MTHFS: variants seen among roughly 807,000 people sequenced by gnomAD.
MTHFS encodes the protein 5-formyltetrahydrofolate cyclo-ligase.
MTHFS carries 7 observed loss-of-function variants against 12.7 expected under a neutral mutation model. The ratio of observed to expected loss-of-function variants is 0.55; its 90% CI spans 0.31 to 1.03. MTHFS has a LOEUF of 1.03. Ranked by LOEUF, MTHFS falls within the 50% of genes least tolerant of loss-of-function variation. MTHFS has a pLI of 0.05. For synonymous variants in MTHFS, 100 were observed against 97.1 expected (o/e 1.03, Z -0.18); for missense variants, 252 against 258.1 (o/e 0.98, Z 0.16).
chr15:79,853,923 GT>G (rs1203243498), intron 2 of MTHFS, among the ~76,000 whole-genome samples: 1 of 152,210 alleles, frequency 6.6e-6, no homozygotes, highest in Non-Finnish European at 1.5e-5. Flanking sequence ...ACATTCAGCT[GT>G]GTGCTAGACA....
chr15:79,885,173 T>A (rs1169966281), intron 2 of MTHFS, among the ~76,000 whole-genome samples: 1 of 152,198 alleles, frequency 6.6e-6, no homozygotes, highest in Non-Finnish European at 1.5e-5. Context: ...CCAAAAGTAC[T>A]GATCATGAAC....
chr15:79,846,380 G>T (rs553992756), intron 2 of MTHFS, among the ~76,000 whole-genome samples: 6 of 152,280 alleles, frequency 3.9e-5, no homozygotes, highest in Admixed American at 2.0e-4. Flanking sequence ...GGGTTTCTGG[G>T]TGACCTATAG....
intron 2 of MTHFS, among the ~76,000 whole-genome samples, chr15:79,851,645 C>A (rs2033718524): frequency 4.6e-5 from 7 of 152,154 alleles, no homozygotes. Context: ...AGGGTGGGAA[C>A]TATTATCCCC....
intron 2 of MTHFS, among the ~76,000 whole-genome samples, chr15:79,888,766 G>T (rs1204267465): frequency 6.6e-6 from 1 of 152,144 alleles, no homozygotes; most frequent in Non-Finnish European, 1.5e-5. Context: ...AGATATAAGT[G>T]CTCATTAACA....
At chr15:79,896,666 G>T (rs1180316305) in intron 1 of MTHFS, 3 of 891,204 alleles carry the variant, frequency 3.4e-6, no homozygotes, top group Admixed American at 3.5e-5. Context: ...TTTCACTACC[G>T]GGCCCTCTCC....
intron 2 of MTHFS, among the ~76,000 whole-genome samples, chr15:79,864,264 G>T (rs2033967091): frequency 6.6e-6 from 1 of 152,088 alleles, no homozygotes; most frequent in African/African-American, 2.4e-5. Flanking sequence ...AGTCCTTGGG[G>T]CCAGGTACGG....
chr15:79,876,543 A>G (rs559916414), intron 2 of MTHFS: 1 of 150,134 alleles, frequency 6.7e-6, no homozygotes, highest in African/African-American at 2.5e-5. Flanking sequence ...TAAACCCAGA[A>G]GGCAGAGCTT....
intron 2 of MTHFS, among the ~76,000 whole-genome samples, chr15:79,882,393 C>A (rs1262336641): frequency 1.3e-5 from 2 of 152,136 alleles, no homozygotes; most frequent in African/African-American, 4.8e-5. Context: ...CTGCCCCCAA[C>A]AAAAAATAAA....
chr15:79,852,704 A>G (rs750482808), intron 2 of MTHFS, among the ~76,000 whole-genome samples: 14 of 152,248 alleles, frequency 9.2e-5, no homozygotes, highest in Non-Finnish European at 1.8e-4. Context: ...CATTAGAAAT[A>G]AGTACCAACA....
intron 2 of MTHFS, among the ~76,000 whole-genome samples, chr15:79,847,490 C>A (rs182346928): frequency 2.8e-4 from 43 of 152,092 alleles, no homozygotes; most frequent in Admixed American, 5.2e-4. Context: ...AGAGATCATC[C>A]TGGCTAACAT....
At chr15:79,877,925 T>C (rs909794941) in intron 2 of MTHFS, 3 of 151,820 alleles carry the variant, frequency 2.0e-5, no homozygotes, top group Non-Finnish European at 4.4e-5. Flanking sequence ...CTTTCAAAAA[T>C]AGAGGCAGAA....
intron 2 of MTHFS, among the ~76,000 whole-genome samples, chr15:79,866,619 C>G (rs993742597): frequency 6.6e-6 from 1 of 152,172 alleles, no homozygotes; most frequent in Non-Finnish European, 1.5e-5. Flanking sequence ...AACACGAGGG[C>G]AAACACACGA....
chr15:79,845,911 A>C (rs1436966071), intron 2 of MTHFS, among the ~76,000 whole-genome samples: 1 of 152,202 alleles, frequency 6.6e-6, no homozygotes, highest in African/African-American at 2.4e-5. Context: ...CATACCAAGC[A>C]GTTCAGACAG....
At chr15:79,897,067 CA>C (rs1303355308), upstream of MTHFS, 7 of 1,360,640 alleles carry the variant, frequency 5.1e-6, no homozygotes, top group African/African-American at 9.3e-5. Flanking sequence ...TGGCCGCTCC[CA>C]GGTGGATCCG....
intron 1 of MTHFS, among the ~76,000 whole-genome samples, chr15:79,894,917 C>T (rs1475912859): frequency 6.6e-6 from 1 of 152,112 alleles, no homozygotes; most frequent in Non-Finnish European, 1.5e-5. Context: ...CTTGAATTGG[C>T]ACAACAGCCC....
At chr15:79,865,399 T>C (rs1343341047) in intron 2 of MTHFS, among the ~76,000 whole-genome samples, 2 of 152,236 alleles carry the variant, frequency 1.3e-5, no homozygotes, top group Non-Finnish European at 2.9e-5. Flanking sequence ...GAGGTATTTC[T>C]GCAAGATATA....
chr15:79,893,266 G>A (rs2034506068), intron 1 of MTHFS, among the ~76,000 whole-genome samples: 1 of 151,772 alleles, frequency 6.6e-6, no homozygotes. Context: ...AGTCAGGCGT[G>A]GCGGCAGGCG....
chr15:79,865,304 A>C (rs532052736), intron 2 of MTHFS, among the ~76,000 whole-genome samples: 71 of 152,352 alleles, frequency 4.7e-4, no homozygotes, highest in African/African-American at 1.7e-3. Flanking sequence ...TTTCCAGTGA[A>C]ATGAACAAAG....
intron 2 of MTHFS, among the ~76,000 whole-genome samples, chr15:79,865,594 G>T (rs967786874): frequency 6.6e-6 from 1 of 152,110 alleles, no homozygotes; most frequent in Non-Finnish European, 1.5e-5. Context: ...CCCTTCTTGG[G>T]CCTCAGACAC....
Sources: allele counts gnomAD v4.1 joint callset (sites outside exome capture counted in the v4.1 genomes callset), GRCh38; gene constraint gnomAD v4.1.1; transcripts MANE v1.5; gene names NCBI Gene and HGNC (gene_info 2026-07-23, HGNC 2026-07-21).